TRPC5: variants seen among roughly 807,000 people sequenced by gnomAD.
The protein encoded by TRPC5 is transient receptor potential cation channel subfamily C member 5.
In TRPC5, 9 loss-of-function variants were observed where a neutral mutation model predicts 56.5. The observed-to-expected ratio is 0.16, with a 90% CI of 0.10 to 0.28. The LOEUF is 0.28. TRPC5 is among the 10% of genes least tolerant of loss of function. The probability of loss-of-function intolerance (pLI) is 1.00; values close to 1 mark genes in which losing one functional copy is unlikely to be tolerated. For missense variants in TRPC5, 469 were observed against 748.9 expected, an observed-to-expected ratio of 0.63 and a Z score of 4.36; for synonymous variants, 282 against 278.5, an observed-to-expected ratio of 1.01 and a Z score of -0.13.
chrX:111,895,763 T>C (rs772265273), intron 3 of TRPC5, among the ~76,000 whole-genome samples: 1 of 111,846 alleles, frequency 8.9e-6, no homozygotes, highest in Non-Finnish European at 1.9e-5. Context: ...TCTCTAGCTC[T>C]GTAACTAGCC....
At chrX:111,825,752 G>A (rs181676824) in intron 7 of TRPC5, among the ~76,000 whole-genome samples, 16 of 111,979 alleles carry the variant, frequency 1.4e-4, no homozygotes, top group African/African-American at 5.2e-4. Context: ...ACTCTGGCTG[G>A]AGCTTGAGCC....
intron 1 of TRPC5, among the ~76,000 whole-genome samples, chrX:112,047,538 G>C (rs1036854159): frequency 1.8e-5 from 2 of 111,974 alleles, no homozygotes; most frequent in African/African-American, 6.5e-5. Flanking sequence ...TCACAGCAGT[G>C]AATACAGTGT....
intron 2 of TRPC5, chrX:111,930,858 CG>C (rs1182819161): frequency 2.7e-5 from 3 of 112,342 alleles, no homozygotes; most frequent in African/African-American, 9.8e-5. Flanking sequence ...CTGGTGCTCT[CG>C]GCAGGCATGC....
At chrX:111,941,134 A>C (rs1207854848) in intron 2 of TRPC5, among the ~76,000 whole-genome samples, 1 of 111,922 alleles carries the variant, frequency 8.9e-6, no homozygotes, top group Non-Finnish European at 1.9e-5. Flanking sequence ...TGTTTAGCTA[A>C]TCCATTCAGC....
rs1030359513 is a variant in TRPC5 at position 111,772,202 on chromosome X, A to C, written c.*4111T>G. ...AGATCCCACTGCCGAGTCCTACACCAACAAGGTGGATATTTGGAGCAATTA... is the reference window on the plus strand; with the variant it reads ...AGATCCCACTGCCGAGTCCTACACCCACAAGGTGGATATTTGGAGCAATTA... On this transcript the variant is annotated 3_prime_UTR_variant, in exon 11 of 11. Transcript: ENST00000262839. Among the ~76,000 whole-genome samples the C allele has an allele frequency of 9.8e-5, 11 of 111,834 alleles. No homozygotes were observed. The highest frequency in any genetic ancestry group is 3.2e-4 in the African/African-American group (10 of 30,805).
At chrX:112,042,453 T>G (rs1215913020) in intron 1 of TRPC5, among the ~76,000 whole-genome samples, 1 of 111,873 alleles carries the variant, frequency 8.9e-6, no homozygotes, top group Non-Finnish European at 1.9e-5. Context: ...TCCCATCTTC[T>G]GTGGTTTCTT....
intron 1 of TRPC5, among the ~76,000 whole-genome samples, chrX:111,953,686 A>G (rs1014129331): frequency 8.9e-6 from 1 of 112,312 alleles, no homozygotes; most frequent in Non-Finnish European, 1.9e-5. Flanking sequence ...AGGACATGGA[A>G]ATGTGCTAAA....
intron 7 of TRPC5, among the ~76,000 whole-genome samples, chrX:111,788,256 A>C (rs2148553585): frequency 8.9e-6 from 1 of 112,152 alleles, no homozygotes; most frequent in South Asian, 3.7e-4. Flanking sequence ...AGGCTGGTTC[A>C]ACATACACAA....
At position 112,071,178 on chromosome X, in the gene TRPC5, G is replaced by A. The variant is rs1048380735; in HGVS notation, c.-22+10701C>T. On this transcript the variant is annotated intron_variant, in intron 1 of 10. Coordinates refer to ENST00000262839, the MANE Select transcript of TRPC5 (RefSeq NM_012471.3). ...ACCCACAATATTAGCCGGGCATGGTGTCGCATACCTGTACCTCCAGCTACT... is the reference window on the plus strand; with the variant it reads ...ACCCACAATATTAGCCGGGCATGGTATCGCATACCTGTACCTCCAGCTACT... 3.6e-5 allele frequency among the ~76,000 whole-genome samples: 4 copies of A among 110,389 alleles called. No individual in the cohort carries two copies. In the South Asian group the frequency reaches 1.6e-3, roughly 44 times the overall value.
At chrX:111,905,708 A>T (rs1241916714) in intron 3 of TRPC5, among the ~76,000 whole-genome samples, 6 of 109,885 alleles carry the variant, frequency 5.5e-5, no homozygotes, top group Non-Finnish European at 1.1e-4. Flanking sequence ...AGGTCAGGAG[A>T]TGGAGACCAT....
chrX:112,016,647 C>G (rs972836137), intron 1 of TRPC5, among the ~76,000 whole-genome samples: 5 of 111,441 alleles, frequency 4.5e-5, no homozygotes, highest in Admixed American at 1.9e-4. Context: ...AGGGCTCGGT[C>G]GAACTTGACC....
At position 112,003,887 on chromosome X, in the gene TRPC5, A is replaced by G. The variant is rs190663082; in HGVS notation, c.-21-51446T>C. The stretch of plus-strand genomic sequence containing the variant: ...GGTTTCCCCAGAGATCCTCACTAAG[A>G]AGGTTGTTGTTAAAATGCAACGGCT... On this transcript the variant is annotated intron_variant, in intron 1 of 10. Coordinates refer to ENST00000262839, the MANE Select transcript of TRPC5 (RefSeq NM_012471.3). Among the ~76,000 whole-genome samples the G allele has an allele frequency of 2.7e-5, 3 of 112,000 alleles. No homozygotes were observed. The Admixed American group carries it at 2.8e-4, about 11-fold the overall frequency.
chrX:111,925,709 A>G (rs745333171), intron 2 of TRPC5, among the ~76,000 whole-genome samples: 1 of 111,932 alleles, frequency 8.9e-6, no homozygotes, highest in Admixed American at 9.5e-5. Context: ...TACTCCTAAT[A>G]TGGAGGGGAA....
At chrX:111,793,917 G>A (rs962717543) in intron 7 of TRPC5, among the ~76,000 whole-genome samples, 2 of 111,988 alleles carry the variant, frequency 1.8e-5, no homozygotes, top group Non-Finnish European at 3.8e-5. Flanking sequence ...GATGAACCTT[G>A]AAAATGTTAT....
At chrX:111,875,057 C>T (rs2148595302) in intron 3 of TRPC5, among the ~76,000 whole-genome samples, 1 of 112,100 alleles carries the variant, frequency 8.9e-6, no homozygotes, top group South Asian at 3.8e-4. Flanking sequence ...AGTTCTTTTA[C>T]TTCTCTGTGC....
At chrX:112,043,726 C>A (rs1929956465) in intron 1 of TRPC5, among the ~76,000 whole-genome samples, 1 of 109,639 alleles carries the variant, frequency 9.1e-6, no homozygotes, top group African/African-American at 3.3e-5. Context: ...TTCTTTAAGT[C>A]CTTTCCCTGA....
intron 7 of TRPC5, among the ~76,000 whole-genome samples, chrX:111,798,347 A>C (rs1921176291): frequency 8.9e-6 from 1 of 112,130 alleles, no homozygotes; most frequent in African/African-American, 3.2e-5. Context: ...TGTCCATTTA[A>C]AATGCTGTGT....
At chrX:111,889,157 T>A (rs1924681120) in intron 3 of TRPC5, among the ~76,000 whole-genome samples, 1 of 111,466 alleles carries the variant, frequency 9.0e-6, no homozygotes, top group Non-Finnish European at 1.9e-5. Flanking sequence ...ACCAAGAGTG[T>A]GACTATAGAT....
intron 6 of TRPC5, among the ~76,000 whole-genome samples, chrX:111,841,865 C>T (rs1922744247): frequency 9.2e-6 from 1 of 108,726 alleles, no homozygotes; most frequent in Non-Finnish European, 1.9e-5. Flanking sequence ...TTCATGCCAC[C>T]ATGCCTGGCT....
Sources: gnomAD v4.1 joint callset for allele counts (sites outside exome capture counted in the v4.1 genomes callset) on GRCh38, gnomAD v4.1.1 for gene constraint, MANE v1.5 for transcripts, NCBI Gene and HGNC (gene_info 2026-07-23, HGNC 2026-07-21) for gene names.